The following UPF1 variants were observed in gnomAD, a reference collection of about 807,000 sequenced individuals.
UPF1 encodes UPF1 RNA helicase and ATPase, also known as regulator of nonsense transcripts 1.
UPF1 carries 9 observed loss-of-function variants against 129.2 expected under a neutral mutation model. The ratio of observed to expected loss-of-function variants is 0.07; its 90% CI spans 0.04 to 0.12. UPF1 has a LOEUF of 0.12. Among genes scored for constraint, UPF1 ranks in the 10% least tolerant of loss-of-function variants. The pLI, the probability that UPF1 is intolerant of heterozygous loss-of-function variation, is 1.00. For synonymous variants in UPF1, 649 were observed against 644.9 expected, an observed-to-expected ratio of 1.01 and a Z score of -0.10; for missense variants, 788 against 1,525.3, an observed-to-expected ratio of 0.52 and a Z score of 8.05.
Position 18,851,020 on chromosome 19 carries a change from C to T in UPF1, c.810+152C>T, listed in dbSNP as rs1005110863. ...CTCTGCCACCTCTACGTGGAATGAC[C>T]TCAGGGCACCTTGGTCACCTTCCAT... On this transcript the variant is annotated intron_variant, in intron 5 of 23. Transcript: ENST00000262803. This position sits in a 1 kb window ranked among gnomAD's most constrained non-coding sequence, Gnocchi z 4.2. The T allele has an allele frequency of 8.6e-6, 8 of 930,342 alleles. No individual in the cohort carries two copies. The African/African-American group carries it at 1.2e-4, about 14-fold the overall frequency. The allele number at this position is 930,342 out of a possible 1,614,324, so 57.6% of individuals were successfully genotyped here.
rs1253277558 is a variant in UPF1 at position 18,867,281 on chromosome 19, A to C, written c.*764A>C. 6.6e-6 allele frequency: 1 copy of C among 152,222 alleles called. No individual in the cohort carries two copies. Among genetic ancestry groups the C allele is most frequent in the Admixed American group, 6.5e-5 (1 of 15,286 alleles). 9.4% of individuals were successfully genotyped at this position (152,222 alleles called of 1,614,324 possible). A position where few individuals can be genotyped will look rare whatever the true frequency, so the allele number is the denominator to read the frequency against. On this transcript the variant is annotated 3_prime_UTR_variant, in exon 24 of 24. Coordinates refer to ENST00000262803, the MANE Select transcript of UPF1 (RefSeq NM_002911.4). ...TTCCAGTGGCTTCTTTCTGCGGGGC[A>C]TCAGGCTGCTGGGGTAGCCGCCCGC...
At position 18,832,730 on chromosome 19, in the gene UPF1, C is replaced by T. The variant is rs1013558372; in HGVS notation, c.231+290C>T. ...GGGCCGGGCAGACTTGCCTCGAGTC[C>T]TCCACTTCGTTCGGGACCGAGCTAA... is the stretch of plus-strand genomic sequence containing the variant. On this transcript the variant is annotated intron_variant, in intron 1 of 23. Coordinates refer to ENST00000262803, the MANE Select transcript of UPF1 (RefSeq NM_002911.4). The surrounding 1 kb of genome is among the most constrained non-coding windows in gnomAD (Gnocchi z 5.6). 1.3e-5 allele frequency among the ~76,000 whole-genome samples: 2 copies of T among 152,222 alleles called. No individual in the cohort carries two copies. Among genetic ancestry groups the T allele is most frequent in the Non-Finnish European group, 2.9e-5 (2 of 68,036 alleles).
chr19:18,865,974 C>A lies in UPF1; in HGVS notation c.3238-70C>A. On this transcript the variant is annotated intron_variant, in intron 22 of 23. Transcript: ENST00000262803. The surrounding 1 kb of genome is among the most constrained non-coding windows in gnomAD (Gnocchi z 6.1). ...GGGTTTTCCATTCTTTTCTCTGGGG[C>A]TGCTGAGGGCTGGGTGGATGTGAGC... The A allele has an allele frequency of 6.2e-7, 1 of 1,601,474 alleles. No homozygotes were observed. Among genetic ancestry groups the A allele is most frequent in the South Asian group, 1.1e-5 (1 of 89,302 alleles).
intron 1 of UPF1, among the ~76,000 whole-genome samples, chr19:18,845,501 C>G (rs1490043617): frequency 6.6e-6 from 1 of 152,170 alleles, no homozygotes; most frequent in African/African-American, 2.4e-5. Context: ...AGAGGGCTGC[C>G]TTGAAGGGAT....
Position 18,863,516 on chromosome 19 carries a change from G to A in UPF1, c.2679G>A (p.Lys893=). 1 of 1,613,918 alleles carries A rather than the reference G, an allele frequency of 6.2e-7. No homozygotes were observed. Among genetic ancestry groups the A allele is most frequent in the Middle Eastern group, 1.7e-4 (1 of 6,056 alleles). ...GGAACCACCTGCTGAACTACTATAA[G>A]GAGCAGAAGGTGCTGGTGGAGGGGC... The part of the protein sequence containing the change: ...PLWNHLLNYY[K]EQKVLVEGPL... Residue 893 remains lysine, a synonymous_variant, in exon 19 of 24, where the codon AAG becomes AAA. Coordinates refer to ENST00000262803, the MANE Select transcript of UPF1 (RefSeq NM_002911.4).
At position 18,853,486 on chromosome 19, in the gene UPF1, C is replaced by T. The variant is rs531956747; in HGVS notation, c.1156+136C>T. On this transcript the variant is annotated intron_variant, in intron 8 of 23. Transcript: ENST00000262803. The surrounding 1 kb of genome is among the most constrained non-coding windows in gnomAD (Gnocchi z 4.4). ...CTGTGGTGGGTGCTGGTTGGCATCG[C>T]CCTCCACTGCTCTTAGGAGAATCAC... 14 of 784,834 alleles carry T rather than the reference C, an allele frequency of 1.8e-5. No homozygotes were observed. The highest frequency in any genetic ancestry group is 1.4e-4 in the African/African-American group (8 of 57,014). 48.6% of individuals were successfully genotyped at this position (784,834 alleles called of 1,614,324 possible).
Position 18,857,012 on chromosome 19 carries a change from G to A in UPF1, c.1960G>A (p.Ala654Thr), listed in dbSNP as rs753614792. ...PECMVPVVLGAKQLILVGDHC... is the reference protein window; with the variant it reads ...PECMVPVVLGTKQLILVGDHC... ...GTGCATGGTTCCCGTGGTCCTCGGG[G>A]CCAAGCAGGTGGGCTGCCTCCCCTG... The change falls in exon 14 of 24, where the codon GCC (alanine) becomes ACC (threonine). Residue 654 changes from alanine (A) to threonine (T), a missense_variant. This residue lies in a region of UPF1 where 140 missense variants were observed against 385.9 expected (regional missense o/e 0.36). Coordinates refer to ENST00000262803, the MANE Select transcript of UPF1 (RefSeq NM_002911.4). The A allele has an allele frequency of 1.2e-6, 2 of 1,609,962 alleles. No homozygotes were observed. The highest frequency in any genetic ancestry group is 1.7e-5 in the Admixed American group (1 of 59,276).
chr19:18,856,756 T>C (rs2055722696), intron 13 of UPF1, 121 bp from the exon 14 acceptor site: 4 of 1,388,764 alleles, frequency 2.9e-6, no homozygotes, highest in African/African-American at 1.5e-5. Flanking sequence ...GGACAGCTTG[T>C]TTTTTATAGT....
At position 18,855,240 on chromosome 19, in the gene UPF1, C is replaced by A. The variant is rs758444822; in HGVS notation, c.1542C>A (p.Asn514Lys). The stretch of plus-strand genomic sequence containing the variant: ...TCTACCACCTGGCCCGGCAAGGCAA[C>A]GGGTAGGGCTGACACGGCCCTTGCG... ...TIVYHLARQG[N>K]GPVLVCAPSN... Residue 514 changes from asparagine (N) to lysine (K), a missense_variant and splice_region_variant, in exon 11 of 24, where the codon AAC becomes AAA. Transcript: ENST00000262803. The A allele has an allele frequency of 6.2e-7, 1 of 1,610,264 alleles. No homozygotes were observed. Among genetic ancestry groups the A allele is most frequent in the South Asian group, 1.1e-5 (1 of 91,070 alleles).
intron 6 of UPF1, 108 bp downstream of exon 6, chr19:18,852,404 G>A: frequency 6.7e-7 from 1 of 1,493,518 alleles, no homozygotes; most frequent in Non-Finnish European, 9.0e-7. Context: ...GCTGATGTGG[G>A]CTGCAGCCGC....
chr19:18,852,743 G>A (rs2055674456), intron 6 of UPF1, among the ~76,000 whole-genome samples: 1 of 150,066 alleles, frequency 6.7e-6, no homozygotes, highest in Admixed American at 6.6e-5. Flanking sequence ...CCTGGCCACG[G>A]AGGCCTCTGG....
At chr19:18,843,749 G>GTGTGTGT (rs1555698327) in intron 1 of UPF1, among the ~76,000 whole-genome samples, 1 of 148,466 alleles carries the variant, frequency 6.7e-6, no homozygotes, top group Non-Finnish European at 1.5e-5. Flanking sequence ...GTGTGTGTGT[G>GTGTGTGT]TGTTGTTGTT....
In UPF1 at chr19:18,865,622, T is replaced by C. The variant is rs1203134543; in HGVS notation, c.3081T>C (p.Leu1027=). 1.2e-6 allele frequency: 2 copies of C among 1,613,828 alleles called. No individual in the cohort carries two copies. Among genetic ancestry groups the C allele is most frequent in the African/African-American group, 1.3e-5 (1 of 75,050 alleles). The change falls in exon 22 of 24, where the codon CTT becomes CTC. Residue 1027 remains leucine, a synonymous_variant. Coordinates refer to ENST00000262803, the MANE Select transcript of UPF1 (RefSeq NM_002911.4). The surrounding 1 kb of genome is among the most constrained non-coding windows in gnomAD (Gnocchi z 6.1). ...GACGCCAGAAGAACCGCTTTGGGCT[T>C]CCTGGACCCAGCCAGACTAACCTCC... ...RGGRQKNRFG[L]PGPSQTNLPN...
Position 18,832,808 on chromosome 19 carries a change from G to T in UPF1, c.231+368G>T, listed in dbSNP as rs1430006492. Among the ~76,000 whole-genome samples the T allele has an allele frequency of 6.6e-6, 1 of 152,220 alleles. No individual in the cohort carries two copies. Among genetic ancestry groups the T allele is most frequent in the Non-Finnish European group, 1.5e-5 (1 of 68,032 alleles). ...GGTTTGCTCCCCCTCCTGGGCCCGG[G>T]CTGACCTGCCTTGTGTCCCACAATC... On this transcript the variant is annotated intron_variant, in intron 1 of 23. Coordinates refer to ENST00000262803, the MANE Select transcript of UPF1 (RefSeq NM_002911.4). The surrounding 1 kb of genome is among the most constrained non-coding windows in gnomAD (Gnocchi z 5.6).
intron 9 of UPF1, 29 bp from the exon 10 acceptor site, chr19:18,854,850 G>A (rs778472491): frequency 1.4e-5 from 23 of 1,612,556 alleles, no homozygotes; most frequent in Middle Eastern, 1.6e-4. Context: ...ACAGCTGTGC[G>A]TGTCGCCAAC....
At chr19:18,845,511 TG>T (rs1310083834) in intron 1 of UPF1, among the ~76,000 whole-genome samples, 1 of 152,138 alleles carries the variant, frequency 6.6e-6, no homozygotes, top group Admixed American at 6.6e-5. Flanking sequence ...CTTGAAGGGA[TG>T]GGGAGGGTGA....
intron 15 of UPF1, chr19:18,859,923 A>G (rs4808861): frequency 0.33 from 53,729 of 163,368 alleles, 10,557 homozygotes; most frequent in Middle Eastern, 0.49. Context: ...GCAGGGGGAC[A>G]CTGTTGGCTC....
rs2055441493 is a variant in UPF1 at position 18,832,710 on chromosome 19, G to T, written c.231+270G>T. ...TCCTTCGGCCCCCAACTCCTGGGCC[G>T]GGCAGACTTGCCTCGAGTCCTCCAC... On this transcript the variant is annotated intron_variant, in intron 1 of 23. Transcript: ENST00000262803. This position sits in a 1 kb window ranked among gnomAD's most constrained non-coding sequence, Gnocchi z 5.6. Among the ~76,000 whole-genome samples the T allele has an allele frequency of 6.6e-6, 1 of 152,190 alleles. No individual in the cohort carries two copies. Among genetic ancestry groups the T allele is most frequent in the Non-Finnish European group, 1.5e-5 (1 of 68,034 alleles).
intron 3 of UPF1, chr19:18,849,328 G>A (rs2055632972): frequency 6.5e-6 from 1 of 153,078 alleles, no homozygotes; most frequent in Admixed American, 6.5e-5. Context: ...CAGAGCTGCT[G>A]GAGACACCGG....
Sources: gnomAD v4.1 joint callset for allele counts (sites outside exome capture counted in the v4.1 genomes callset) on GRCh38, gnomAD v4.1.1 for gene constraint, gnomAD v4.1.1 regional missense constraint, Gnocchi (gnomAD v3.1) non-coding constraint, MANE v1.5 for transcripts, NCBI Gene and HGNC (gene_info 2026-07-23, HGNC 2026-07-21) for gene names.